Variants in NEO1 observed in about 807,000 individuals in gnomAD.
NEO1 encodes neogenin 1.
In NEO1, 63 loss-of-function variants were observed where a neutral mutation model predicts 159.7. That is an observed-to-expected ratio of 0.39 (90% CI 0.32 to 0.49). The LOEUF (loss-of-function observed/expected upper bound fraction) is 0.49, where lower values mean the gene tolerates loss of function less well. Ranked by LOEUF, NEO1 falls within the 20% of genes least tolerant of loss-of-function variation. The pLI, the probability that NEO1 is intolerant of heterozygous loss-of-function variation, is 0.85. For synonymous variants in NEO1, 633 were observed against 662.0 expected (o/e 0.96, Z 0.67); for missense variants, 1,615 against 1,831.0 (o/e 0.88, Z 2.15).
rs749144581 is a variant in NEO1, at chr15:73,278,186, A to G, written c.3249A>G (p.Lys1083=). ...TGCCAGACCTAGGATCCGACTACAA[A>G]CCTCCAATGAGCGGTAAAGCCTTTC... is the stretch of plus-strand genomic sequence containing the variant. ...SRLPDLGSDY[K]PPMSGSNSPH... The change falls in exon 22 of 29, where the codon AAA becomes AAG. Residue 1083 remains lysine, a synonymous_variant. Transcript: ENST00000261908. 6.2e-6 allele frequency: 10 copies of G among 1,612,546 alleles called. No homozygotes were observed. Among genetic ancestry groups the G allele is most frequent in the Non-Finnish European group, 5.9e-6 (7 of 1,178,958 alleles).
intron 7 of NEO1, among the ~76,000 whole-genome samples, chr15:73,209,868 G>A (rs1193122050): frequency 7.2e-5 from 11 of 152,034 alleles, no homozygotes; most frequent in African/African-American, 2.2e-4. Flanking sequence ...TTAGCTGGGC[G>A]TGGGTGGCAG....
At chr15:73,234,309 AAC>A (rs909274634) in intron 7 of NEO1, among the ~76,000 whole-genome samples, 2 of 152,174 alleles carry the variant, frequency 1.3e-5, no homozygotes, top group Admixed American at 6.5e-5. Flanking sequence ...TGTGACTTTA[AAC>A]ACAGCATATT....
rs190218788 is a variant in NEO1 at position 73,224,818 on chromosome 15, C to T, written c.1292-11529C>T. 8.1e-4 allele frequency among the ~76,000 whole-genome samples: 123 copies of T among 152,096 alleles called. 1 individual carries two copies. Among genetic ancestry groups the T allele is most frequent in the African/African-American group, 2.9e-3 (120 of 41,484 alleles). On this transcript the variant is annotated intron_variant, in intron 7 of 28. Transcript: ENST00000261908. The stretch of plus-strand genomic sequence containing the variant: ...TTTTTCAGGTAAATAGGGATTTCTT[C>T]TTGGTTTGGATCCACTGCTGGTGAA...
chr15:73,113,113 C>T (rs911156602), intron 1 of NEO1, among the ~76,000 whole-genome samples: 1 of 151,604 alleles, frequency 6.6e-6, no homozygotes, highest in Non-Finnish European at 1.5e-5. Context: ...TAGCTTTATA[C>T]ATACTTGTAA....
chr15:73,107,951 G>A (rs971552681), intron 1 of NEO1, among the ~76,000 whole-genome samples: 3 of 152,174 alleles, frequency 2.0e-5, no homozygotes, highest in African/African-American at 7.2e-5. Flanking sequence ...GGAGGCTAAG[G>A]CGGGAGGATG....
intron 7 of NEO1, among the ~76,000 whole-genome samples, chr15:73,179,601 A>G (rs1347484743): frequency 2.6e-5 from 4 of 152,188 alleles, no homozygotes; most frequent in African/African-American, 7.2e-5. Context: ...ATTGCCTTCT[A>G]TTGATAAAGT....
rs1463326137 is a variant in NEO1, at chr15:73,155,664, T to C, written c.1015+19637T>C. Among the ~76,000 whole-genome samples, 7 of 152,332 alleles carry C rather than the reference T, an allele frequency of 4.6e-5. No homozygotes were observed. In the East Asian group the frequency reaches 1.3e-3, roughly 29 times the overall value. On this transcript the variant is annotated intron_variant, in intron 5 of 28. Transcript: ENST00000261908. ...GAAGTCTTTGTTCTTTTTTATTCTT[T>C]TTAAGTTTTTGTCTGACTGGATTAT...
intron 5 of NEO1, among the ~76,000 whole-genome samples, chr15:73,148,851 C>CTTTT (rs200712761): frequency 6.8e-6 from 1 of 147,178 alleles, no homozygotes. Flanking sequence ...GGTTTTCAAA[C>CTTTT]TTGTTTTTTT....
At chr15:73,292,465 A>G (rs1347650643) in intron 25 of NEO1, among the ~76,000 whole-genome samples, 1 of 152,214 alleles carries the variant, frequency 6.6e-6, no homozygotes, top group Non-Finnish European at 1.5e-5. Flanking sequence ...CATTTCTACA[A>G]CCACTCCAAG....
chr15:73,121,880 G>A (rs974305835), intron 2 of NEO1, among the ~76,000 whole-genome samples: 2 of 151,618 alleles, frequency 1.3e-5, no homozygotes, highest in Admixed American at 6.6e-5. Context: ...ACTTTACGTC[G>A]TAAGATGTAC....
chr15:73,301,920 C>T (rs1316764376), intron 28 of NEO1, among the ~76,000 whole-genome samples: 1 of 152,228 alleles, frequency 6.6e-6, no homozygotes, highest in Non-Finnish European at 1.5e-5. Flanking sequence ...CCACCTGCCT[C>T]AGCCTCCCAA....
intron 4 of NEO1, among the ~76,000 whole-genome samples, chr15:73,133,950 A>G (rs1015615349): frequency 6.6e-6 from 1 of 152,200 alleles, no homozygotes. Context: ...TAGTGTAATT[A>G]TTAGATATAA....
intron 1 of NEO1, among the ~76,000 whole-genome samples, chr15:73,082,918 C>T: frequency 6.6e-6 from 1 of 152,136 alleles, no homozygotes; most frequent in Non-Finnish European, 1.5e-5. Context: ...CAGCTGAGAT[C>T]TGACAGATAC....
chr15:73,236,745 T>A (rs748872616), intron 8 of NEO1, among the ~76,000 whole-genome samples: 1 of 152,212 alleles, frequency 6.6e-6, no homozygotes, highest in Non-Finnish European at 1.5e-5. Context: ...GGTGGACGTA[T>A]TTAAATGTAA....
intron 1 of NEO1, among the ~76,000 whole-genome samples, chr15:73,077,942 T>C (rs551297941): frequency 6.6e-6 from 1 of 152,276 alleles, no homozygotes; most frequent in African/African-American, 2.4e-5. Context: ...ATGTTGGCCC[T>C]GGCTTAGCAG....
chr15:73,145,647 G>A (rs1189643121), intron 5 of NEO1, among the ~76,000 whole-genome samples: 3 of 152,234 alleles, frequency 2.0e-5, no homozygotes, highest in African/African-American at 7.2e-5. Context: ...AATACTTTGG[G>A]TATATTAAAT....
Position 73,289,105 on chromosome 15 carries a change from A to G in NEO1, c.3650-41A>G, listed in dbSNP as rs200921490. 7.1e-6 allele frequency: 11 copies of G among 1,550,180 alleles called. No individual in the cohort carries two copies. In the Admixed American group the frequency reaches 1.7e-4, roughly 24 times the overall value. On this transcript the variant is annotated intron_variant, in intron 24 of 28. Transcript: ENST00000261908. ...CACTGTTGAGGCTGCTCAGTGGCAT[A>G]GGGCACATGCTGGTAACTAACCTCC... is the stretch of plus-strand genomic sequence containing the variant.
chr15:73,300,212 G>T (rs2042558530), intron 27 of NEO1, among the ~76,000 whole-genome samples: 3 of 152,162 alleles, frequency 2.0e-5, no homozygotes, highest in African/African-American at 7.2e-5. Flanking sequence ...TCAAGACCAT[G>T]GTGGCGGATG....
intron 7 of NEO1, among the ~76,000 whole-genome samples, chr15:73,224,062 T>G (rs1389275624): frequency 6.6e-6 from 1 of 152,216 alleles, no homozygotes; most frequent in Admixed American, 6.5e-5. Context: ...TATGTGATGC[T>G]TAGTTTCACT....
Sources: allele counts gnomAD v4.1 joint callset (sites outside exome capture counted in the v4.1 genomes callset), GRCh38; gene constraint gnomAD v4.1.1; transcripts MANE v1.5; gene names NCBI Gene and HGNC (gene_info 2026-07-23, HGNC 2026-07-21).